Variants in WDR43 observed in about 807,000 individuals in gnomAD.
The protein encoded by WDR43 is WD repeat domain 43.
Under a neutral mutation model 91.4 loss-of-function variants are expected in WDR43, and 13 were observed. That is an observed-to-expected ratio of 0.14 (90% CI 0.09 to 0.23). The LOEUF (loss-of-function observed/expected upper bound fraction) is 0.23, where lower values mean the gene tolerates loss of function less well. Among genes scored for constraint, WDR43 ranks in the 10% least tolerant of loss-of-function variants. The pLI is 1.00. For missense variants in WDR43, 780 were observed against 809.4 expected (o/e 0.96, Z 0.44); for synonymous variants, 331 against 287.9 (o/e 1.15, Z -1.51).
intron 6 of WDR43, among the ~76,000 whole-genome samples, chr2:28,921,378 G>A (rs1256653181): frequency 2.0e-5 from 3 of 151,968 alleles, no homozygotes; most frequent in Non-Finnish European, 4.4e-5. Context: ...GGCCTGCCTC[G>A]GCCTCCCAAA....
rs185574892 is a variant in WDR43 at position 28,906,450 on chromosome 2, T to A, written c.364-10T>A. 19,142 of 1,482,772 alleles carry A rather than the reference T, an allele frequency of 0.013. 88 individuals carry two copies. The highest frequency in any genetic ancestry group is 0.018 in the Middle Eastern group (103 of 5,720). 91.9% of individuals were successfully genotyped at this position (1,482,772 alleles called of 1,614,324 possible). On this transcript the variant is annotated splice_polypyrimidine_tract_variant and intron_variant, in intron 2 of 17. Transcript: ENST00000407426. The stretch of plus-strand genomic sequence containing the variant: ...CAGCCTTAAATTTTTTTTTTTTTTT[T>A]AATCTACAGAGTGGTGGACATGACA...
chr2:28,917,037 G>A (rs1259654781), intron 5 of WDR43, among the ~76,000 whole-genome samples: 44 of 152,074 alleles, frequency 2.9e-4, no homozygotes, highest in Non-Finnish European at 8.8e-5. Context: ...GAACACCATA[G>A]AGCACTTCAG....
intron 12 of WDR43, among the ~76,000 whole-genome samples, chr2:28,936,389 T>C (rs1671337597): frequency 6.6e-6 from 1 of 152,178 alleles, no homozygotes; most frequent in Non-Finnish European, 1.5e-5. Context: ...TGTACCATTA[T>C]TGGTAAGGGA....
chr2:28,902,584 C>G (rs931528989), intron 2 of WDR43, among the ~76,000 whole-genome samples: 17 of 152,196 alleles, frequency 1.1e-4, no homozygotes, highest in African/African-American at 4.1e-4. Context: ...GTGCTAGTGT[C>G]TCTGATGGAG....
intron 1 of WDR43, among the ~76,000 whole-genome samples, chr2:28,898,753 C>G (rs575515058): frequency 1.3e-5 from 2 of 151,676 alleles, no homozygotes; most frequent in South Asian, 4.2e-4. Context: ...TGGGAAGTTT[C>G]TCTGTGAAGC....
chr2:28,931,672 G>T lies in WDR43; in HGVS notation c.1437+1962G>T, dbSNP rs199927408. On this transcript the variant is annotated intron_variant, in intron 11 of 17. Coordinates refer to ENST00000407426, the MANE Select transcript of WDR43 (RefSeq NM_015131.3). ...TTTAAAATCTTTTTTTTTTTTGCAA[G>T]AACGTTTCAAAGATGTTAATATGTA... Among the ~76,000 whole-genome samples, 7 of 149,518 alleles carry T rather than the reference G, an allele frequency of 4.7e-5. No homozygotes were observed. The East Asian group carries it at 1.4e-3, about 30-fold the overall frequency.
At chr2:28,918,629 A>G (rs564496349) in intron 6 of WDR43, among the ~76,000 whole-genome samples, 60 of 152,264 alleles carry the variant, frequency 3.9e-4, no homozygotes, top group African/African-American at 1.4e-3. Flanking sequence ...TCAGCCTCCC[A>G]AAGTGCTGGG....
chr2:28,900,271 T>C (rs1670553924), intron 1 of WDR43, among the ~76,000 whole-genome samples: 1 of 152,170 alleles, frequency 6.6e-6, no homozygotes, highest in South Asian at 2.1e-4. Context: ...CACTGCAACC[T>C]CTGCCTCCCG....
At position 28,946,802 on chromosome 2, in the gene WDR43, A is replaced by T. The variant is rs760725025; in HGVS notation, c.*23A>T. The T allele has an allele frequency of 1.9e-6, 3 of 1,550,464 alleles. No homozygotes were observed. The highest frequency in any genetic ancestry group is 3.9e-5 in the Admixed American group (2 of 50,640). On this transcript the variant is annotated 3_prime_UTR_variant, in exon 18 of 18. Transcript: ENST00000407426. ...TGAAGACAGCAAAGCAAGCCGGTCAAACTATATAAACTCTGGCTCACCTTG... is the reference window on the plus strand; with the variant it reads ...TGAAGACAGCAAAGCAAGCCGGTCATACTATATAAACTCTGGCTCACCTTG...
intron 16 of WDR43, among the ~76,000 whole-genome samples, chr2:28,945,118 T>C (rs908952462): frequency 3.9e-5 from 6 of 152,184 alleles, no homozygotes; most frequent in African/African-American, 1.2e-4. Context: ...AAGCTCACAA[T>C]AGTGGTTTCT....
At chr2:28,912,806 A>G in intron 4 of WDR43, 96 bp downstream of exon 4, 6 of 1,460,594 alleles carry the variant, frequency 4.1e-6, no homozygotes, top group Non-Finnish European at 5.5e-6. Context: ...TAAGAATACA[A>G]ATTCTTCATT....
intron 14 of WDR43, among the ~76,000 whole-genome samples, chr2:28,940,041 G>A (rs1671404571): frequency 6.7e-6 from 1 of 149,624 alleles, no homozygotes; most frequent in Non-Finnish European, 1.5e-5. Context: ...AACCCGGGGG[G>A]GCAGAGGTTG....
chr2:28,936,571 G>A (rs1007564755), intron 12 of WDR43, among the ~76,000 whole-genome samples: 2 of 152,082 alleles, frequency 1.3e-5, no homozygotes, highest in Admixed American at 6.5e-5. Context: ...ATACATTTTA[G>A]TGTTTTTCAG....
intron 3 of WDR43, 60 bp downstream of exon 3, chr2:28,906,641 G>C: frequency 6.4e-7 from 1 of 1,560,076 alleles, no homozygotes. Flanking sequence ...TGGACTTGTG[G>C]GGAATGCAGA....
chr2:28,927,427 A>G, intron 9 of WDR43, 142 bp from the exon 10 acceptor site: 3 of 1,025,156 alleles, frequency 2.9e-6, no homozygotes, highest in Non-Finnish European at 4.1e-6. Flanking sequence ...TTCAATTTAA[A>G]ATATATCTTA....
chr2:28,898,358 G>T (rs528937221), intron 1 of WDR43, among the ~76,000 whole-genome samples: 7 of 152,240 alleles, frequency 4.6e-5, no homozygotes, highest in Non-Finnish European at 8.8e-5. Context: ...CTGTGCAGTG[G>T]TCTGTCTTGA....
At chr2:28,924,181 A>G (rs531262664) in intron 7 of WDR43, among the ~76,000 whole-genome samples, 48 of 152,252 alleles carry the variant, frequency 3.2e-4, no homozygotes, top group African/African-American at 1.0e-3. Flanking sequence ...AAAGGAGTTG[A>G]CAGATCAGAG....
At chr2:28,920,770 A>G (rs1671009953) in intron 6 of WDR43, among the ~76,000 whole-genome samples, 1 of 151,502 alleles carries the variant, frequency 6.6e-6, no homozygotes, top group East Asian at 2.0e-4. Flanking sequence ...TCTGCCTCCC[A>G]GGTTCGAGCA....
At chr2:28,913,257 A>G (rs1033091545) in intron 4 of WDR43, among the ~76,000 whole-genome samples, 1 of 152,114 alleles carries the variant, frequency 6.6e-6, no homozygotes, top group Admixed American at 6.6e-5. Flanking sequence ...CCCAGCCGAA[A>G]CAAGGTTTTT....
Sources: allele counts gnomAD v4.1 joint callset (sites outside exome capture counted in the v4.1 genomes callset), GRCh38; gene constraint gnomAD v4.1.1; transcripts MANE v1.5; gene names NCBI Gene and HGNC (gene_info 2026-07-23, HGNC 2026-07-21).